Variants in SLIT3 observed in about 807,000 individuals in gnomAD.
SLIT3 encodes the protein slit homolog 3 protein.
SLIT3 carries 68 observed loss-of-function variants against 184.0 expected under a neutral mutation model. The observed-to-expected ratio is 0.37, with a 90% CI of 0.30 to 0.45. The LOEUF is 0.45. SLIT3 is among the 20% of genes least tolerant of loss of function. The pLI, the probability that SLIT3 is intolerant of heterozygous loss-of-function variation, is 1.00. For missense variants in SLIT3, 1,707 were observed against 2,026.0 expected (o/e 0.84, Z 3.02); for synonymous variants, 831 against 828.6 (o/e 1.00, Z -0.05).
chr5:168,868,747 C>CAAAAAAAAAAAAAAAAAAA (rs375837097), intron 5 of SLIT3, among the ~76,000 whole-genome samples: 1 of 69,298 alleles, frequency 1.4e-5, no homozygotes, highest in Non-Finnish European at 2.9e-5. Flanking sequence ...GAATCTGCCT[C>CAAAAAAAAAAAAAAAAAAA]AAAAAAAAAA....
chr5:169,251,377 C>T lies in SLIT3; in HGVS notation c.269+11G>A, dbSNP rs775587868. On this transcript the variant is annotated intron_variant, in intron 2 of 35. Coordinates refer to ENST00000519560, the MANE Select transcript of SLIT3 (RefSeq NM_003062.4). ...AAATGAAAACACACTTGAGAGCCAT[C>T]AACTACTTACAAGACTCGGAGGTTC... 1.3e-6 allele frequency: 2 copies of T among 1,597,114 alleles called. No individual in the cohort carries two copies. The highest frequency in any genetic ancestry group is 1.1e-5 in the South Asian group (1 of 90,708).
intron 5 of SLIT3, among the ~76,000 whole-genome samples, chr5:168,864,896 G>A (rs560309748): frequency 1.3e-5 from 2 of 152,216 alleles, no homozygotes; most frequent in Non-Finnish European, 2.9e-5. Context: ...GGATAAGGAC[G>A]GTGGCTCACG....
rs187606445 is a variant in SLIT3, at chr5:169,222,310, C to T, written c.341+22395G>A. ...GAAAAGCTGTGTATCTAACATACAT[C>T]ACCAAAAAAATCCATGAAAATACTA... On this transcript the variant is annotated intron_variant, in intron 3 of 35. Coordinates refer to ENST00000519560, the MANE Select transcript of SLIT3 (RefSeq NM_003062.4). Among the ~76,000 whole-genome samples, 3 of 152,204 alleles carry T rather than the reference C, an allele frequency of 2.0e-5. No homozygotes were observed. In the East Asian group the frequency reaches 5.8e-4, roughly 29 times the overall value.
chr5:168,754,117 C>G, intron 16 of SLIT3, 110 bp from the exon 17 acceptor site: 1 of 1,120,356 alleles, frequency 8.9e-7, no homozygotes, highest in Non-Finnish European at 1.3e-6. Context: ...GCCCCTGAGA[C>G]TGAGGACTGG....
At chr5:169,261,233 A>T (rs2113613520) in intron 1 of SLIT3, among the ~76,000 whole-genome samples, 1 of 152,284 alleles carries the variant, frequency 6.6e-6, no homozygotes, top group African/African-American at 2.4e-5. Context: ...GTGACATTTT[A>T]ATTGAGACCT....
At chr5:168,820,453 C>T (rs916072297) in intron 7 of SLIT3, among the ~76,000 whole-genome samples, 1 of 152,206 alleles carries the variant, frequency 6.6e-6, no homozygotes, top group Admixed American at 6.5e-5. Flanking sequence ...GTGATGCCTC[C>T]TTCCTAGGGC....
chr5:168,973,083 G>T (rs1754634487), intron 4 of SLIT3, among the ~76,000 whole-genome samples: 1 of 151,636 alleles, frequency 6.6e-6, no homozygotes, highest in African/African-American at 2.4e-5. Context: ...TCCTTGAAGA[G>T]CCCAAAGGCA....
At chr5:169,066,272 G>A (rs1301059206) in intron 4 of SLIT3, among the ~76,000 whole-genome samples, 1 of 152,156 alleles carries the variant, frequency 6.6e-6, no homozygotes, top group Non-Finnish European at 1.5e-5. Context: ...TTAGTATGAG[G>A]TAATACAGAC....
chr5:169,279,097 G>C (rs1766912497), intron 1 of SLIT3, among the ~76,000 whole-genome samples: 1 of 152,174 alleles, frequency 6.6e-6, no homozygotes, highest in Non-Finnish European at 1.5e-5. Flanking sequence ...AGCTTGGCCT[G>C]ACAGGAAGCT....
intron 4 of SLIT3, among the ~76,000 whole-genome samples, chr5:168,962,571 A>G (rs911879924): frequency 3.9e-5 from 6 of 152,080 alleles, no homozygotes; most frequent in African/African-American, 1.2e-4. Flanking sequence ...AAAGAAAAAA[A>G]AAAAGTGAGC....
At chr5:169,023,677 C>T (rs1401632941) in intron 4 of SLIT3, 1 of 152,080 alleles carries the variant, frequency 6.6e-6, no homozygotes, top group Non-Finnish European at 1.5e-5. Context: ...TTGCCCTAAA[C>T]TCCTAGGCTC....
At chr5:169,296,538 T>C (rs1313181701) in intron 1 of SLIT3, among the ~76,000 whole-genome samples, 1 of 152,152 alleles carries the variant, frequency 6.6e-6, no homozygotes, top group Non-Finnish European at 1.5e-5. Context: ...AGAGACCCCA[T>C]GATTCACTAG....
intron 14 of SLIT3, 98 bp from the exon 15 acceptor site, chr5:168,762,787 A>T (rs1581053533): frequency 1.6e-6 from 2 of 1,217,074 alleles, no homozygotes; most frequent in Admixed American, 3.5e-5. Context: ...TGGGGGAATG[A>T]GTTGGGGGCT....
intron 4 of SLIT3, among the ~76,000 whole-genome samples, chr5:168,960,141 G>A (rs1762955006): frequency 6.6e-6 from 1 of 152,138 alleles, no homozygotes; most frequent in African/African-American, 2.4e-5. Flanking sequence ...TTGCCTTTTG[G>A]ATTTAAACTG....
At chr5:169,125,040 GTTTTTGT>G (rs1183005331) in intron 4 of SLIT3, among the ~76,000 whole-genome samples, 40 of 151,538 alleles carry the variant, frequency 2.6e-4, no homozygotes, top group East Asian at 1.6e-3. Flanking sequence ...GTTTTGTTTT[GTTTTTGT>G]TTTTTGTTTT....
chr5:168,958,891 C>A (rs902999059), intron 4 of SLIT3, among the ~76,000 whole-genome samples: 2 of 152,224 alleles, frequency 1.3e-5, no homozygotes, highest in African/African-American at 4.8e-5. Context: ...TATGAATGAA[C>A]CTCCACCATG....
intron 3 of SLIT3, among the ~76,000 whole-genome samples, chr5:169,198,068 C>G (rs1763796285): frequency 6.6e-6 from 1 of 152,240 alleles, no homozygotes; most frequent in Admixed American, 6.5e-5. Context: ...ACCAACCCAT[C>G]TACCCAAGCA....
At chr5:168,785,852 G>T in intron 12 of SLIT3, 55 bp downstream of exon 12, 1 of 1,299,056 alleles carries the variant, frequency 7.7e-7, no homozygotes, top group Non-Finnish European at 1.1e-6. Context: ...ACGTTTTCAG[G>T]TGGGAGCCTT....
At chr5:168,799,501 T>C (rs1756687709) in intron 9 of SLIT3, among the ~76,000 whole-genome samples, 1 of 152,348 alleles carries the variant, frequency 6.6e-6, no homozygotes, top group Non-Finnish European at 1.5e-5. Flanking sequence ...GTGCTCTGTA[T>C]TGATTTGCCC....
Sources: allele counts gnomAD v4.1 joint callset (sites outside exome capture counted in the v4.1 genomes callset), GRCh38; gene constraint gnomAD v4.1.1; transcripts MANE v1.5; gene names NCBI Gene and HGNC (gene_info 2026-07-23, HGNC 2026-07-21).